The following ZNF618 variants were observed in gnomAD, a reference collection of about 807,000 sequenced individuals.
ZNF618 encodes neural precursor cell expressed, developmentally down-regulated 10.
In ZNF618, 34 loss-of-function variants were observed where a neutral mutation model predicts 103.0. The observed-to-expected ratio is 0.33, with a 90% CI of 0.25 to 0.44. The LOEUF (loss-of-function observed/expected upper bound fraction) is 0.44, where lower values mean the gene tolerates loss of function less well. Ranked by LOEUF, ZNF618 falls within the 20% of genes least tolerant of loss-of-function variation. ZNF618 has a pLI of 1.00. For missense variants in ZNF618, 1,059 were observed against 1,295.4 expected (o/e 0.82, Z 2.80); for synonymous variants, 551 against 542.2 (o/e 1.02, Z -0.23).
At chr9:114,041,374 T>C (rs1845165796) in intron 13 of ZNF618, among the ~76,000 whole-genome samples, 1 of 152,246 alleles carries the variant, frequency 6.6e-6, no homozygotes, top group Non-Finnish European at 1.5e-5. Flanking sequence ...TGCCATTGCT[T>C]TTGGTGTTTT....
In ZNF618 at chr9:114,038,859, T is replaced by C. The variant is rs972163474; in HGVS notation, c.1246+2482T>C. On this transcript the variant is annotated intron_variant, in intron 13 of 14. Coordinates refer to ENST00000374126, the MANE Select transcript of ZNF618 (RefSeq NM_001318042.2). ...GAGAACATAATCACTGGCCCAAAGTTGCACAGCTCCTAAAAAAAGTATCCA... is the reference window on the plus strand; with the variant it reads ...GAGAACATAATCACTGGCCCAAAGTCGCACAGCTCCTAAAAAAAGTATCCA... Among the ~76,000 whole-genome samples the C allele has an allele frequency of 4.6e-5, 7 of 152,196 alleles. No homozygotes were observed. In the East Asian group the frequency reaches 1.3e-3, roughly 29 times the overall value.
intron 1 of ZNF618, among the ~76,000 whole-genome samples, chr9:113,893,404 T>C (rs961165229): frequency 1.3e-5 from 2 of 152,204 alleles, no homozygotes; most frequent in Non-Finnish European, 2.9e-5. Flanking sequence ...AAGTTAATTT[T>C]TAAACAATCT....
chr9:113,988,471 G>T lies in ZNF618; in HGVS notation c.228G>T (p.Trp76Cys), dbSNP rs755338698. The change falls in exon 3 of 15, where the codon TGG (tryptophan) becomes TGT (cysteine). Residue 76 changes from tryptophan (W) to cysteine (C), a missense_variant. Trp to Cys is a radical substitution (Grantham distance 215, BLOSUM62 -2). Coordinates refer to ENST00000374126, the MANE Select transcript of ZNF618 (RefSeq NM_001318042.2). The part of the protein sequence containing the change: ...LPDDYIQEVI[W>C]QGEAKEEKKA... Reference sequence around the variant, plus strand: ...ATGACTACATCCAGGAGGTGATCTGGCAGGGCGAGGCCAAGGAGGAGAAGA... The same window carrying T: ...ATGACTACATCCAGGAGGTGATCTGTCAGGGCGAGGCCAAGGAGGAGAAGA... The T allele has an allele frequency of 4.3e-6, 7 of 1,613,384 alleles. No homozygotes were observed. The highest frequency in any genetic ancestry group is 2.2e-5 in the South Asian group (2 of 91,072).
At chr9:113,973,994 A>G (rs2132945337) in intron 2 of ZNF618, among the ~76,000 whole-genome samples, 1 of 152,344 alleles carries the variant, frequency 6.6e-6, no homozygotes, top group East Asian at 1.9e-4. Flanking sequence ...CATTCCACAA[A>G]TATTTACTGA....
intron 12 of ZNF618, among the ~76,000 whole-genome samples, chr9:114,035,700 C>T (rs563787766): frequency 6.6e-6 from 1 of 152,146 alleles, no homozygotes; most frequent in African/African-American, 2.4e-5. Flanking sequence ...ATCCAGGCCC[C>T]TGCACCCCTT....
intron 12 of ZNF618, among the ~76,000 whole-genome samples, chr9:114,035,523 C>T (rs556144710): frequency 1.8e-4 from 27 of 152,358 alleles, no homozygotes; most frequent in African/African-American, 6.3e-4. Flanking sequence ...AGCCTCAGGA[C>T]ACCTCTTCCG....
intron 1 of ZNF618, among the ~76,000 whole-genome samples, chr9:113,912,925 ACCTT>A (rs770506694): frequency 1.3e-5 from 2 of 152,020 alleles, no homozygotes; most frequent in Non-Finnish European, 2.9e-5. Context: ...GTACCAGGGA[ACCTT>A]GGGCCTTCAA....
At chr9:114,015,988 GA>G in intron 9 of ZNF618, 1 of 817,650 alleles carries the variant, frequency 1.2e-6, no homozygotes, top group Non-Finnish European at 2.0e-6. Flanking sequence ...GAAGAGTGGG[GA>G]CCAGGGCACC....
chr9:114,007,259 A>G (rs1841833737), intron 6 of ZNF618, 91 bp from the exon 7 acceptor site: 2 of 1,084,850 alleles, frequency 1.8e-6, no homozygotes, highest in Non-Finnish European at 2.7e-6. Flanking sequence ...GGCTAGTTTC[A>G]TCTTTGGTTT....
intron 9 of ZNF618, among the ~76,000 whole-genome samples, chr9:114,010,560 C>T (rs1352718970): frequency 2.6e-5 from 4 of 151,724 alleles, no homozygotes; most frequent in East Asian, 1.9e-4. Flanking sequence ...AAAAATTAGC[C>T]GGGCGTGGTG....
At chr9:113,916,213 G>A (rs1017719341) in intron 1 of ZNF618, among the ~76,000 whole-genome samples, 1 of 151,914 alleles carries the variant, frequency 6.6e-6, no homozygotes, top group African/African-American at 2.4e-5. Flanking sequence ...ATGACCCAGG[G>A]ACAATTTTAC....
chr9:113,922,034 AT>A (rs1291521939), intron 1 of ZNF618, among the ~76,000 whole-genome samples: 3 of 152,202 alleles, frequency 2.0e-5, no homozygotes, highest in Non-Finnish European at 2.9e-5. Flanking sequence ...TTGGATGTTG[AT>A]TTTTGATGTA....
rs1307577691 is a variant in ZNF618 at position 114,056,510 on chromosome 9, T to C, written c.*6343T>C. On this transcript the variant is annotated 3_prime_UTR_variant, in exon 15 of 15. Coordinates refer to ENST00000374126, the MANE Select transcript of ZNF618 (RefSeq NM_001318042.2). ...TGATGCCAAGGCAAAAAGATAACTT[T>C]TAACAGTTAGAGAGGATCAGTTGCT... 6.6e-6 allele frequency: 1 copy of C among 152,254 alleles called. No homozygotes were observed. Among genetic ancestry groups the C allele is most frequent in the African/African-American group, 2.4e-5 (1 of 41,466 alleles). 9.4% of individuals were successfully genotyped at this position (152,254 alleles called of 1,614,324 possible). A position where few individuals can be genotyped will look rare whatever the true frequency, so the allele number is the denominator to read the frequency against.
rs577412756 is a variant in ZNF618 at position 114,046,188 on chromosome 9, A to G, written c.1247-1705A>G. Among the ~76,000 whole-genome samples, 8 of 152,234 alleles carry G rather than the reference A, an allele frequency of 5.3e-5. No individual in the cohort carries two copies. In the South Asian group the frequency reaches 1.5e-3, roughly 28 times the overall value. On this transcript the variant is annotated intron_variant, in intron 13 of 14. Coordinates refer to ENST00000374126, the MANE Select transcript of ZNF618 (RefSeq NM_001318042.2). ...AGTTAGAGATCATTTTACTTCTTCCATTCCAATCTGGATGTTTTTCTTTTT... is the reference window on the plus strand; with the variant it reads ...AGTTAGAGATCATTTTACTTCTTCCGTTCCAATCTGGATGTTTTTCTTTTT...
chr9:113,957,384 C>T lies in ZNF618; in HGVS notation c.34-11733C>T, dbSNP rs543861203. Among the ~76,000 whole-genome samples the T allele has an allele frequency of 5.3e-5, 8 of 152,260 alleles. No homozygotes were observed. In the South Asian group the frequency reaches 1.7e-3, roughly 32 times the overall value. On this transcript the variant is annotated intron_variant, in intron 1 of 14. Transcript: ENST00000374126. ...GTATCGAGCTACTAAGTAGCCCAGGCAGAATTTGAACTCAGGCCTGACTGA... is the reference window on the plus strand; with the variant it reads ...GTATCGAGCTACTAAGTAGCCCAGGTAGAATTTGAACTCAGGCCTGACTGA...
intron 10 of ZNF618, among the ~76,000 whole-genome samples, chr9:114,024,733 C>G (rs28620352): frequency 6.6e-6 from 1 of 152,040 alleles, no homozygotes; most frequent in Non-Finnish European, 1.5e-5. Flanking sequence ...ACAGCCCCCC[C>G]ACCCCCATCC....
At chr9:113,907,166 G>A (rs552035057) in intron 1 of ZNF618, among the ~76,000 whole-genome samples, 5 of 152,334 alleles carry the variant, frequency 3.3e-5, no homozygotes, top group Admixed American at 6.5e-5. Context: ...TTATTGGATG[G>A]CCCTGGGTTA....
intron 1 of ZNF618, among the ~76,000 whole-genome samples, chr9:113,963,444 A>G (rs1408225714): frequency 6.6e-6 from 1 of 152,198 alleles, no homozygotes; most frequent in Non-Finnish European, 1.5e-5. Flanking sequence ...GCATTTGAGC[A>G]TGCAGAGAAA....
intron 13 of ZNF618, among the ~76,000 whole-genome samples, chr9:114,040,091 A>G (rs904280973): frequency 5.3e-5 from 8 of 150,020 alleles, no homozygotes; most frequent in African/African-American, 2.0e-4. Flanking sequence ...ATCAACCAAT[A>G]TTATACATTG....
Sources: allele counts gnomAD v4.1 joint callset (sites outside exome capture counted in the v4.1 genomes callset), GRCh38; gene constraint gnomAD v4.1.1; transcripts MANE v1.5; gene names NCBI Gene and HGNC (gene_info 2026-07-23, HGNC 2026-07-21).